CBY2: variants seen among roughly 807,000 people sequenced by gnomAD.
The protein encoded by CBY2 is chibby family member 2.
Under a neutral mutation model 25.3 loss-of-function variants are expected in CBY2, and 23 were observed. That is an observed-to-expected ratio of 0.91 (90% CI 0.65 to 1.29). The LOEUF is 1.29. Among genes scored for constraint, CBY2 ranks in the 50% most tolerant of loss-of-function variants. The pLI is 0.00. For missense variants in CBY2, 642 were observed against 590.7 expected (o/e 1.09, Z -0.90); for synonymous variants, 279 against 260.2 (o/e 1.07, Z -0.70).
chr13:45,702,900 A>G (rs1162926670), intron 2 of CBY2, 45 bp downstream of exon 2: 1 of 1,454,948 alleles, frequency 6.9e-7, no homozygotes, highest in African/African-American at 1.4e-5. Flanking sequence ...TGTTAGCCAG[A>G]ATAACCCCCC....
In CBY2 at chr13:45,713,062, C is replaced by G; in HGVS notation, c.157-120C>G. ...GGACCCCAAGAAGCAAAAGCGCCCA[C>G]TGTGGCCAGGCCAGACAATCAGACG... On this transcript the variant is annotated intron_variant, in intron 2 of 2. Transcript: ENST00000310521. This position sits in a 1 kb window ranked among gnomAD's most constrained non-coding sequence, Gnocchi z 5.0. 1.3e-6 allele frequency: 1 copy of G among 797,104 alleles called. No homozygotes were observed. The highest frequency in any genetic ancestry group is 2.7e-5 in the East Asian group (1 of 37,160). The allele number at this position is 797,104 out of a possible 1,614,324, so 49.4% of individuals were successfully genotyped here.
In CBY2 at chr13:45,704,784, C is replaced by T. The variant is rs1027509618; in HGVS notation, c.156+1929C>T. ...GCAGAGCTCGAGGAAGGGGCTTGAA[C>T]TCAAATCAGTGCCCATGTTCTCCGC... On this transcript the variant is annotated intron_variant, in intron 2 of 2. Transcript: ENST00000310521. This position sits in a 1 kb window ranked among gnomAD's most constrained non-coding sequence, Gnocchi z 4.1. 3.9e-5 allele frequency among the ~76,000 whole-genome samples: 6 copies of T among 152,220 alleles called. No homozygotes were observed. Among genetic ancestry groups the T allele is most frequent in the Admixed American group, 3.3e-4 (5 of 15,288 alleles).
At chr13:45,703,638 A>C in intron 2 of CBY2, 1 of 1,472,904 alleles carries the variant, frequency 6.8e-7, no homozygotes, top group Non-Finnish European at 9.3e-7. Context: ...AGGAGGATTG[A>C]CCACTGGTGG....
chr13:45,713,862 G>A lies in CBY2; in HGVS notation c.837G>A (p.Glu279=), dbSNP rs370196752. 51 of 1,517,564 alleles carry A rather than the reference G, an allele frequency of 3.4e-5. No homozygotes were observed. Among genetic ancestry groups the A allele is most frequent in the Non-Finnish European group, 4.3e-5 (49 of 1,135,040 alleles). The allele number at this position is 1,517,564 out of a possible 1,614,324, so 94.0% of individuals were successfully genotyped here. A position where few individuals can be genotyped will look rare whatever the true frequency, so the allele number is the denominator to read the frequency against. The part of the protein sequence containing the change: ...AQAEDTAAPA[E]ESKPAPSPHE... ...CAGAGGACACGGCCGCCCCTGCCGAGGAAAGCAAGCCCGCCCCCTCACCCC... is the reference window on the plus strand; with the variant it reads ...CAGAGGACACGGCCGCCCCTGCCGAAGAAAGCAAGCCCGCCCCCTCACCCC... Residue 279 remains glutamate, a synonymous_variant, in exon 3 of 3, where the codon GAG becomes GAA. Transcript: ENST00000310521. The surrounding 1 kb of genome is among the most constrained non-coding windows in gnomAD (Gnocchi z 5.0).
At position 45,702,800 on chromosome 13, in the gene CBY2, A is replaced by G; in HGVS notation, c.101A>G (p.Lys34Arg). 1.2e-6 allele frequency: 2 copies of G among 1,614,166 alleles called. No individual in the cohort carries two copies. The highest frequency in any genetic ancestry group is 1.6e-4 in the Middle Eastern group (1 of 6,062). The change falls in exon 2 of 3, where the codon AAA becomes AGA. Residue 34 changes from lysine to arginine, a missense_variant. By Grantham distance (26) the Lys-to-Arg change is conservative. Transcript: ENST00000310521. Reference protein sequence around the residue: ...TLHSRPNYTRKRDTRSESLEI... With the variant: ...TLHSRPNYTRRRDTRSESLEI... ...CACTCAAGGCCAAATTATACAAGAA[A>G]AAGAGATACCAGATCTGAAAGCCTA...
chr13:45,713,204 C>T lies in CBY2; in HGVS notation c.179C>T (p.Pro60Leu), dbSNP rs564558846. ...CAGAGGGGCACAGCCGAACCCTTCCCGAGGCTCCACAACTTGTACAGCACC... is the reference window on the plus strand; with the variant it reads ...CAGAGGGGCACAGCCGAACCCTTCCTGAGGCTCCACAACTTGTACAGCACC... Reference protein sequence around the residue: ...LPQRGTAEPFPRLHNLYSTPR... With the variant: ...LPQRGTAEPFLRLHNLYSTPR... Residue 60 changes from proline (P) to leucine (L), a missense_variant, in exon 3 of 3, where the codon CCG becomes CTG. Physicochemically the swap from Pro to Leu is moderately conservative, Grantham distance 98 (BLOSUM62 -3). Coordinates refer to ENST00000310521, the MANE Select transcript of CBY2 (RefSeq NM_152719.3). The surrounding 1 kb of genome is among the most constrained non-coding windows in gnomAD (Gnocchi z 5.0). 6.2e-7 allele frequency: 1 copy of T among 1,612,478 alleles called. No individual in the cohort carries two copies. The highest frequency in any genetic ancestry group is 1.1e-5 in the South Asian group (1 of 90,918).
At chr13:45,706,674 C>A (rs1187876921) in intron 2 of CBY2, among the ~76,000 whole-genome samples, 1 of 152,132 alleles carries the variant, frequency 6.6e-6, no homozygotes, top group African/African-American at 2.4e-5. Flanking sequence ...ACAGGCTGTA[C>A]CTCCCAGGCT....
At chr13:45,702,940 T>C in intron 2 of CBY2, 85 bp downstream of exon 2, 1 of 1,271,240 alleles carries the variant, frequency 7.9e-7, no homozygotes, top group Non-Finnish European at 1.1e-6. Context: ...TAGCAAGATG[T>C]TGTAGAATAA....
chr13:45,708,196 T>A (rs1024301442), intron 2 of CBY2, among the ~76,000 whole-genome samples: 1 of 152,200 alleles, frequency 6.6e-6, no homozygotes. Flanking sequence ...GATTCATTCA[T>A]GTCAACATCC....
chr13:45,702,916 C>T, intron 2 of CBY2, 61 bp downstream of exon 2: 4 of 1,360,210 alleles, frequency 2.9e-6, no homozygotes, highest in Non-Finnish European at 4.2e-6. Context: ...CCCCCATCTC[C>T]TCCTTCAAAA....
In CBY2 at chr13:45,714,332, C is replaced by T. The variant is rs1950300951; in HGVS notation, c.1307C>T (p.Pro436Leu). 1.2e-6 allele frequency: 2 copies of T among 1,611,594 alleles called. No individual in the cohort carries two copies. The highest frequency in any genetic ancestry group is 1.7e-6 in the Non-Finnish European group (2 of 1,179,024). The change falls in exon 3 of 3, where the codon CCG (proline) becomes CTG (leucine). Residue 436 changes from proline to leucine, a missense_variant. Coordinates refer to ENST00000310521, the MANE Select transcript of CBY2 (RefSeq NM_152719.3). Reference sequence around the variant, plus strand: ...ATCGAGGAGCTCTACGCCTTCATGCCGGCCAGGAGCCAGGACCCCAAGAAG... The same window carrying T: ...ATCGAGGAGCTCTACGCCTTCATGCTGGCCAGGAGCCAGGACCCCAAGAAG... ...MLIEELYAFM[P>L]ARSQDPKKPS...
chr13:45,713,920 G>T lies in CBY2; in HGVS notation c.895G>T (p.Asp299Tyr). Reference protein sequence around the residue: ...EEPCSPGLLQDQGSGLSSRFE... With the variant: ...EEPCSPGLLQYQGSGLSSRFE... ...GCCCTGCAGCCCCGGGCTGCTGCAG[G>T]ACCAGGGCTCCGGCCTCTCCTCCCG... The change falls in exon 3 of 3, where the codon GAC becomes TAC. Residue 299 changes from aspartate (D) to tyrosine (Y), a missense_variant. Physicochemically the swap from Asp to Tyr is radical, Grantham distance 160 (BLOSUM62 -3). Coordinates refer to ENST00000310521, the MANE Select transcript of CBY2 (RefSeq NM_152719.3). The surrounding 1 kb of genome is among the most constrained non-coding windows in gnomAD (Gnocchi z 5.0). 6.5e-7 allele frequency: 1 copy of T among 1,535,158 alleles called. No homozygotes were observed.
chr13:45,703,278 G>GT (rs1950221522), intron 2 of CBY2: 1 of 1,336,068 alleles, frequency 7.5e-7, no homozygotes, highest in Non-Finnish European at 9.6e-7. Flanking sequence ...GGACAAAGGG[G>GT]TACAGAGTTA....
chr13:45,714,076 G>T lies in CBY2; in HGVS notation c.1051G>T (p.Asp351Tyr). 6.5e-7 allele frequency: 1 copy of T among 1,526,938 alleles called. No individual in the cohort carries two copies. Among genetic ancestry groups the T allele is most frequent in the South Asian group, 1.3e-5 (1 of 79,976 alleles). The allele number at this position is 1,526,938 out of a possible 1,614,324, so 94.6% of individuals were successfully genotyped here. The stretch of plus-strand genomic sequence containing the variant: ...GGCCAAGGTGGGCCCGGGCCTGCCC[G>T]ACGGCTGCCAGCCCCTGCAGCTGCT... ...EEAKVGPGLP[D>Y]GCQPLQLLRE... The change falls in exon 3 of 3, where the codon GAC (aspartate) becomes TAC (tyrosine). Residue 351 changes from aspartate (D) to tyrosine (Y), a missense_variant. By Grantham distance (160) the Asp-to-Tyr change is radical. Coordinates refer to ENST00000310521, the MANE Select transcript of CBY2 (RefSeq NM_152719.3).
chr13:45,709,617 T>C (rs1317063515), intron 2 of CBY2, among the ~76,000 whole-genome samples: 2 of 152,210 alleles, frequency 1.3e-5, no homozygotes, highest in African/African-American at 4.8e-5. Context: ...GTGGATAAGA[T>C]GACACAATGT....
chr13:45,714,041 G>T lies in CBY2; in HGVS notation c.1016G>T (p.Gly339Val). Residue 339 changes from glycine (G) to valine (V), a missense_variant, in exon 3 of 3, where the codon GGG becomes GTG. Transcript: ENST00000310521. ...GTCAGCAACATGTCCGGGCCCTCCG[G>T]GGAGGAGGAGGCCAAGGTGGGCCCG... ...KMVSNMSGPS[G>V]EEEAKVGPGL... is the part of the protein sequence containing the mutation. The T allele has an allele frequency of 4.0e-6, 6 of 1,496,518 alleles. No homozygotes were observed. The highest frequency in any genetic ancestry group is 1.4e-5 in the African/African-American group (1 of 71,516). The allele number at this position is 1,496,518 out of a possible 1,614,324, so 92.7% of individuals were successfully genotyped here. A position where few individuals can be genotyped will look rare whatever the true frequency, so the allele number is the denominator to read the frequency against.
Position 45,704,169 on chromosome 13 carries a change from A to G in CBY2, c.156+1314A>G, listed in dbSNP as rs551329313. 6.6e-6 allele frequency among the ~76,000 whole-genome samples: 1 copy of G among 152,092 alleles called. No individual in the cohort carries two copies. The highest frequency in any genetic ancestry group is 1.5e-5 in the Non-Finnish European group (1 of 68,030). ...GATTTGAAAGAGTAGTGGTCATGTGATAGAGAAATTGGAATGATGTTTCCA... is the reference window on the plus strand; with the variant it reads ...GATTTGAAAGAGTAGTGGTCATGTGGTAGAGAAATTGGAATGATGTTTCCA... On this transcript the variant is annotated intron_variant, in intron 2 of 2. Transcript: ENST00000310521. The surrounding 1 kb of genome is among the most constrained non-coding windows in gnomAD (Gnocchi z 4.1).
chr13:45,714,366 G>T lies in CBY2; in HGVS notation c.1341G>T (p.Arg447Ser). 2 of 1,597,366 alleles carry T rather than the reference G, an allele frequency of 1.3e-6. No homozygotes were observed. The highest frequency in any genetic ancestry group is 2.2e-5 in the East Asian group (1 of 44,486). ...ARSQDPKKPS[R>S]V is the part of the protein sequence containing the mutation. ...GCCAGGACCCCAAGAAGCCTAGCAGGGTCTGAGGCCTCGGCCTTGCACCGG... is the reference window on the plus strand; with the variant it reads ...GCCAGGACCCCAAGAAGCCTAGCAGTGTCTGAGGCCTCGGCCTTGCACCGG... The change falls in exon 3 of 3, where the codon AGG becomes AGT. Residue 447 changes from arginine to serine, a missense_variant. Transcript: ENST00000310521.
chr13:45,709,753 T>G (rs957090891), intron 2 of CBY2, among the ~76,000 whole-genome samples: 7 of 152,238 alleles, frequency 4.6e-5, no homozygotes, highest in African/African-American at 1.7e-4. Context: ...GGACATTTAT[T>G]AGACTATTCT....
Sources: allele counts gnomAD v4.1 joint callset (sites outside exome capture counted in the v4.1 genomes callset), GRCh38; gene constraint gnomAD v4.1.1; non-coding constraint Gnocchi (gnomAD v3.1); transcripts MANE v1.5; gene names NCBI Gene and HGNC (gene_info 2026-07-23, HGNC 2026-07-21).